Variants in RALYL observed in about 807,000 individuals in gnomAD.
RALYL encodes RNA-binding Raly-like protein.
A neutral mutation model predicts 35.1 loss-of-function variants in RALYL; 29 were observed. The ratio of observed to expected loss-of-function variants is 0.83; its 90% CI spans 0.61 to 1.13. RALYL has a LOEUF of 1.13. Ranked by LOEUF, RALYL falls within the 50% of genes most tolerant of loss-of-function variation. The pLI is 0.00. For missense variants in RALYL, 359 were observed against 360.4 expected, an observed-to-expected ratio of 1.00 and a Z score of 0.03; for synonymous variants, 120 against 127.6, an observed-to-expected ratio of 0.94 and a Z score of 0.40.
intron 6 of RALYL, 128 bp from the exon 7 acceptor site, chr8:84,873,156 A>C: frequency 2.0e-6 from 1 of 507,052 alleles, no homozygotes. Flanking sequence ...GAAGTTGATA[A>C]AATTGAAAAA....
chr8:84,560,202 T>C (rs2061389076), intron 2 of RALYL, among the ~76,000 whole-genome samples: 1 of 151,938 alleles, frequency 6.6e-6, no homozygotes, highest in African/African-American at 2.4e-5. Flanking sequence ...AGTGTCCAAA[T>C]ATCTGTGCCA....
intron 2 of RALYL, among the ~76,000 whole-genome samples, chr8:84,683,516 C>T (rs946891216): frequency 6.6e-6 from 1 of 152,124 alleles, no homozygotes; most frequent in African/African-American, 2.4e-5. Flanking sequence ...CTTTATGAAT[C>T]TGGGTGCTCC....
chr8:84,660,601 CTATTA>C (rs1830716085), intron 2 of RALYL, among the ~76,000 whole-genome samples: 1 of 151,564 alleles, frequency 6.6e-6, no homozygotes, highest in Admixed American at 6.6e-5. Flanking sequence ...TGTTTTTTAA[CTATTA>C]TATTTAGATA....
chr8:84,449,078 G>GT (rs1554671924), intron 1 of RALYL, among the ~76,000 whole-genome samples: 5,104 of 124,142 alleles, frequency 0.041, 154 homozygotes, highest in African/African-American at 0.095. Flanking sequence ...TAGTTTTTTT[G>GT]TTTTTTTTTT....
intron 1 of RALYL, among the ~76,000 whole-genome samples, chr8:84,443,118 C>A (rs1390897688): frequency 6.6e-6 from 1 of 152,102 alleles, no homozygotes; most frequent in Non-Finnish European, 1.5e-5. Context: ...TCAGTTAATT[C>A]TTCCTACAAT....
chr8:84,430,922 A>G (rs539639575), intron 1 of RALYL, among the ~76,000 whole-genome samples: 51 of 152,274 alleles, frequency 3.3e-4, no homozygotes, highest in Middle Eastern at 3.4e-3. Flanking sequence ...TGTGAGTCCC[A>G]CAGTCACTCA....
rs559666777 is a variant in RALYL, at chr8:84,229,445, A to G, written c.-24+45021A>G. Among the ~76,000 whole-genome samples, 4 of 152,332 alleles carry G rather than the reference A, an allele frequency of 2.6e-5. No homozygotes were observed. In the South Asian group the frequency reaches 8.3e-4, roughly 32 times the overall value. ...GAGGGTAATACATATTAAATAACCA[A>G]TAACCAATTGCTACTTGTGTTTCTT... On this transcript the variant is annotated intron_variant, in intron 1 of 8. Coordinates refer to ENST00000521268, the MANE Select transcript of RALYL (RefSeq NM_173848.7).
At chr8:84,811,480 T>C (rs1825897069) in intron 4 of RALYL, among the ~76,000 whole-genome samples, 1 of 152,206 alleles carries the variant, frequency 6.6e-6, no homozygotes, top group Admixed American at 6.5e-5. Flanking sequence ...GATAACTTGA[T>C]GACAGTGTGC....
chr8:84,562,313 C>T (rs2061514834), intron 2 of RALYL, among the ~76,000 whole-genome samples: 1 of 151,868 alleles, frequency 6.6e-6, no homozygotes, highest in African/African-American at 2.4e-5. Context: ...TTAAAACCTG[C>T]AGTATTTTTT....
chr8:84,841,519 G>A (rs1210406787), intron 4 of RALYL, among the ~76,000 whole-genome samples: 1 of 151,970 alleles, frequency 6.6e-6, no homozygotes, highest in East Asian at 1.9e-4. Flanking sequence ...AATAATAATG[G>A]GAGACTTTAA....
chr8:84,873,605 A>C (rs981606231), intron 7 of RALYL, among the ~76,000 whole-genome samples: 8 of 152,224 alleles, frequency 5.3e-5, no homozygotes, highest in African/African-American at 1.2e-4. Context: ...TAAGGTTCAT[A>C]CTAAAAATAA....
chr8:84,857,036 G>GA (rs36119108), intron 5 of RALYL, among the ~76,000 whole-genome samples: 6,718 of 91,760 alleles, frequency 0.073, 959 homozygotes, highest in African/African-American at 0.26. Flanking sequence ...CTCCGTCTCA[G>GA]AAAAAAAAAA....
intron 1 of RALYL, among the ~76,000 whole-genome samples, chr8:84,230,154 A>G (rs7838283): frequency 0.57 from 86,658 of 151,890 alleles, 24,995 homozygotes; most frequent in Admixed American, 0.65. Context: ...TAGACTGTAT[A>G]TAAGTATAGA....
At chr8:84,608,327 G>A (rs1169108511) in intron 2 of RALYL, among the ~76,000 whole-genome samples, 1 of 152,086 alleles carries the variant, frequency 6.6e-6, no homozygotes, top group Non-Finnish European at 1.5e-5. Flanking sequence ...AGGGAGACAT[G>A]GGCACCTCAT....
At chr8:84,441,233 C>A (rs1015345338) in intron 1 of RALYL, among the ~76,000 whole-genome samples, 1 of 151,824 alleles carries the variant, frequency 6.6e-6, no homozygotes, top group Non-Finnish European at 1.5e-5. Context: ...AGGGGAGAAA[C>A]TTTTTGTGTT....
intron 4 of RALYL, among the ~76,000 whole-genome samples, chr8:84,840,836 T>G (rs1833112247): frequency 6.6e-6 from 1 of 152,192 alleles, no homozygotes; most frequent in East Asian, 1.9e-4. Context: ...GAAAAGAATT[T>G]TCAACTCAGA....
At chr8:84,192,910 G>C (rs980961189) in intron 1 of RALYL, among the ~76,000 whole-genome samples, 1 of 146,422 alleles carries the variant, frequency 6.8e-6, no homozygotes, top group Non-Finnish European at 1.5e-5. Context: ...TGTGTGTGGG[G>C]GGGGGGGTTG....
intron 1 of RALYL, among the ~76,000 whole-genome samples, chr8:84,419,484 T>C (rs1347649291): frequency 6.6e-6 from 1 of 152,172 alleles, no homozygotes; most frequent in Non-Finnish European, 1.5e-5. Flanking sequence ...AATAATTTAC[T>C]TGGCTAGTAC....
intron 1 of RALYL, 85 bp from the exon 2 acceptor site, chr8:84,529,214 A>C (rs1168714507): frequency 1.4e-6 from 2 of 1,417,028 alleles, no homozygotes; most frequent in African/African-American, 2.9e-5. Context: ...AATATTGAAA[A>C]ACTGTTAAAA....
Sources: gnomAD v4.1 joint callset for allele counts (sites outside exome capture counted in the v4.1 genomes callset) on GRCh38, gnomAD v4.1.1 for gene constraint, MANE v1.5 for transcripts, NCBI Gene and HGNC (gene_info 2026-07-23, HGNC 2026-07-21) for gene names.